VSNL1: variants seen among roughly 807,000 people sequenced by gnomAD.
VSNL1 encodes visinin like 1.
VSNL1 carries 6 observed loss-of-function variants against 20.4 expected under a neutral mutation model. The observed-to-expected ratio is 0.29, with a 90% CI of 0.16 to 0.58. The LOEUF is 0.58. Ranked by LOEUF, VSNL1 falls within the 20% of genes least tolerant of loss-of-function variation. The pLI, the probability that VSNL1 is intolerant of heterozygous loss-of-function variation, is 0.90. For missense variants in VSNL1, 100 were observed against 234.5 expected (o/e 0.43, Z 3.75); for synonymous variants, 93 against 86.4 (o/e 1.08, Z -0.42).
At chr2:17,549,772 T>G (rs1663484939) in intron 1 of VSNL1, among the ~76,000 whole-genome samples, 1 of 152,250 alleles carries the variant, frequency 6.6e-6, no homozygotes, top group Non-Finnish European at 1.5e-5. Flanking sequence ...TGAATCTGTT[T>G]AGCTTTGATT....
chr2:17,620,057 G>C (rs1292780713), intron 2 of VSNL1, among the ~76,000 whole-genome samples: 1 of 152,182 alleles, frequency 6.6e-6, no homozygotes, highest in East Asian at 1.9e-4. Flanking sequence ...AAAATGCCAG[G>C]AGATAGAAAG....
intron 1 of VSNL1, among the ~76,000 whole-genome samples, chr2:17,560,937 G>A (rs62131513): frequency 0.029 from 4,462 of 152,272 alleles, 64 homozygotes; most frequent in Middle Eastern, 0.054. Flanking sequence ...ACTATGTACT[G>A]AGACATTTTA....
intron 1 of VSNL1, among the ~76,000 whole-genome samples, chr2:17,591,325 G>A (rs1239929538): frequency 1.3e-5 from 2 of 152,138 alleles, no homozygotes; most frequent in Non-Finnish European, 2.9e-5. Flanking sequence ...ACAACCTGGT[G>A]CTTAATGGAT....
In VSNL1 at chr2:17,645,643, A is replaced by C. The variant is rs991537239; in HGVS notation, c.163-3767A>C. ...AGGAAACAAACATTTTGATATTCAC[A>C]ACTAGATAGATTACTGAAAAGAAAG... On this transcript the variant is annotated intron_variant, in intron 2 of 3. Transcript: ENST00000295156. 3.3e-5 allele frequency among the ~76,000 whole-genome samples: 5 copies of C among 152,166 alleles called. No individual in the cohort carries two copies. The East Asian group carries it at 7.7e-4, about 23-fold the overall frequency.
At chr2:17,622,821 TC>T (rs1665417786) in intron 2 of VSNL1, among the ~76,000 whole-genome samples, 2 of 152,186 alleles carry the variant, frequency 1.3e-5, no homozygotes, top group Admixed American at 6.5e-5. Flanking sequence ...ACAGATCAAA[TC>T]CCAGGTCCCC....
intron 2 of VSNL1, 128 bp downstream of exon 2, chr2:17,592,364 A>C: frequency 9.9e-7 from 1 of 1,013,008 alleles, no homozygotes; most frequent in Non-Finnish European, 1.4e-6. Flanking sequence ...TTTTCCATCC[A>C]GAAAGAAAAA....
rs542546385 is a variant in VSNL1, at chr2:17,560,978, A to G, written c.-6+20060A>G. 2.0e-5 allele frequency among the ~76,000 whole-genome samples: 3 copies of G among 152,280 alleles called. No individual in the cohort carries two copies. In the East Asian group the frequency reaches 5.8e-4, roughly 29 times the overall value. ...GGGAGAACAAATCTGTTTTCAATAG[A>G]TTTCTTAAGTTGCTTCTTTGGTCCT... On this transcript the variant is annotated intron_variant, in intron 1 of 3. Transcript: ENST00000295156.
intron 2 of VSNL1, among the ~76,000 whole-genome samples, chr2:17,609,922 T>G (rs774378119): frequency 6.6e-6 from 1 of 152,220 alleles, no homozygotes; most frequent in Non-Finnish European, 1.5e-5. Context: ...TCCCCAGCCT[T>G]TATCCCCACA....
At chr2:17,589,950 TTCCTGTTCCTTC>T (rs6146657) in intron 1 of VSNL1, among the ~76,000 whole-genome samples, 36,623 of 152,050 alleles carry the variant, frequency 0.24, 4,708 homozygotes, top group Non-Finnish European at 0.29. Context: ...GCTTTCGCTC[TTCCTGTTCCTTC>T]TCCTGAAATG....
chr2:17,563,858 G>T lies in VSNL1; in HGVS notation c.-6+22940G>T, dbSNP rs142964680. Among the ~76,000 whole-genome samples, 13 of 152,206 alleles carry T rather than the reference G, an allele frequency of 8.5e-5. No individual in the cohort carries two copies. The East Asian group carries it at 2.5e-3, about 29-fold the overall frequency. The stretch of plus-strand genomic sequence containing the variant: ...CAAAGGTAGGTATTGTGATTATTTG[G>T]TGTTTTTCTTTCTGGTTTCTTATCT... On this transcript the variant is annotated intron_variant, in intron 1 of 3. Coordinates refer to ENST00000295156, the MANE Select transcript of VSNL1 (RefSeq NM_003385.5).
At chr2:17,643,509 ATC>A (rs1286919519) in intron 2 of VSNL1, among the ~76,000 whole-genome samples, 5 of 152,054 alleles carry the variant, frequency 3.3e-5, no homozygotes, top group African/African-American at 1.2e-4. Context: ...CCTCGAAACG[ATC>A]TGTTTGCTGA....
At chr2:17,612,062 C>CTG (rs10538751) in intron 2 of VSNL1, among the ~76,000 whole-genome samples, 28,352 of 152,040 alleles carry the variant, frequency 0.19, 3,469 homozygotes, top group Middle Eastern at 0.39. Flanking sequence ...TTCATGCACT[C>CTG]TGTGTGTGTG....
At chr2:17,583,155 C>T (rs1390440620) in intron 1 of VSNL1, among the ~76,000 whole-genome samples, 1 of 152,132 alleles carries the variant, frequency 6.6e-6, no homozygotes, top group East Asian at 1.9e-4. Flanking sequence ...AACTTGTCTA[C>T]TATTGGTGGA....
chr2:17,617,055 CT>C (rs1163523116), intron 2 of VSNL1, among the ~76,000 whole-genome samples: 1 of 152,230 alleles, frequency 6.6e-6, no homozygotes. Flanking sequence ...GAGCTCCCCC[CT>C]GTTCCTTAGT....
chr2:17,642,326 T>TTTTTTTTA (rs59404137), intron 2 of VSNL1, among the ~76,000 whole-genome samples: 2 of 141,126 alleles, frequency 1.4e-5, no homozygotes, highest in Admixed American at 7.0e-5. Flanking sequence ...TTTTTTTTTT[T>TTTTTTTTA]GAGACAGAGT....
intron 1 of VSNL1, among the ~76,000 whole-genome samples, chr2:17,570,405 G>A (rs1277476073): frequency 6.6e-6 from 1 of 152,148 alleles, no homozygotes; most frequent in Non-Finnish European, 1.5e-5. Flanking sequence ...GACTTAATGA[G>A]CTATTTAGGC....
chr2:17,596,400 C>T (rs1664710807), intron 2 of VSNL1, among the ~76,000 whole-genome samples: 1 of 152,194 alleles, frequency 6.6e-6, no homozygotes, highest in South Asian at 2.1e-4. Flanking sequence ...GATTGCCAAT[C>T]CATCACAAAT....
rs992441689 is a variant in VSNL1, at chr2:17,621,294, CTCTT to C, written c.163-28114_163-28111del. ...TCTTCCTCTTTCTTTTTTTCTCTCT[CTCTT>C]TTTCTTTCTTTCTCCTTTTCTTTTC... On this transcript the variant is annotated intron_variant, in intron 2 of 3. Coordinates refer to ENST00000295156, the MANE Select transcript of VSNL1 (RefSeq NM_003385.5). 1.5e-4 allele frequency among the ~76,000 whole-genome samples: 22 copies of C among 146,728 alleles called. No homozygotes were observed. The East Asian group carries it at 1.8e-3, about 12-fold the overall frequency.
At chr2:17,613,635 A>G (rs13011227) in intron 2 of VSNL1, among the ~76,000 whole-genome samples, 37,570 of 152,004 alleles carry the variant, frequency 0.25, 6,058 homozygotes, top group Middle Eastern at 0.49. Context: ...AGCCCTCTTC[A>G]CTCATCATTA....
Sources: allele counts gnomAD v4.1 joint callset (sites outside exome capture counted in the v4.1 genomes callset), GRCh38; gene constraint gnomAD v4.1.1; transcripts MANE v1.5; gene names NCBI Gene and HGNC (gene_info 2026-07-23, HGNC 2026-07-21).